Variants in LRRC4C observed in about 807,000 individuals in gnomAD.
LRRC4C encodes leucine rich repeat containing 4C, also known as leucine-rich repeat-containing protein 4C.
A neutral mutation model predicts 33.6 loss-of-function variants in LRRC4C; 5 were observed. The observed-to-expected ratio is 0.15, with a 90% CI of 0.08 to 0.31. LRRC4C has a LOEUF of 0.31. Ranked by LOEUF, LRRC4C falls within the 10% of genes least tolerant of loss-of-function variation. The probability of loss-of-function intolerance (pLI) is 1.00; values close to 1 mark genes in which losing one functional copy is unlikely to be tolerated. For missense variants in LRRC4C, 560 were observed against 796.7 expected, an observed-to-expected ratio of 0.70 and a Z score of 3.58; for synonymous variants, 329 against 302.0, an observed-to-expected ratio of 1.09 and a Z score of -0.93.
At chr11:40,586,902 G>A (rs1444551104) in intron 3 of LRRC4C, among the ~76,000 whole-genome samples, 1 of 152,188 alleles carries the variant, frequency 6.6e-6, no homozygotes, top group African/African-American at 2.4e-5. Flanking sequence ...TTGAAGTCAG[G>A]TAGAGTGATG....
chr11:41,412,762 T>A (rs754368898), intron 1 of LRRC4C, among the ~76,000 whole-genome samples: 24 of 152,226 alleles, frequency 1.6e-4, no homozygotes, highest in Admixed American at 2.6e-4. Flanking sequence ...TCCATGATGA[T>A]ACAAAATACA....
At chr11:41,042,103 T>C (rs2137990347) in intron 1 of LRRC4C, among the ~76,000 whole-genome samples, 1 of 152,326 alleles carries the variant, frequency 6.6e-6, no homozygotes, top group South Asian at 2.1e-4. Flanking sequence ...GAGTGTACTA[T>C]TTAATCTTTA....
chr11:41,185,620 G>C (rs1945659645), intron 1 of LRRC4C, among the ~76,000 whole-genome samples: 2 of 152,140 alleles, frequency 1.3e-5, no homozygotes. Context: ...GGGAAGGGCA[G>C]GTAGGAAGGC....
At chr11:40,596,000 A>G (rs575489254) in intron 3 of LRRC4C, among the ~76,000 whole-genome samples, 1 of 152,236 alleles carries the variant, frequency 6.6e-6, no homozygotes, top group African/African-American at 2.4e-5. Flanking sequence ...CAGATATTAG[A>G]TGTCTGTCCT....
chr11:40,707,532 A>G (rs1311671025), intron 2 of LRRC4C, among the ~76,000 whole-genome samples: 1 of 152,184 alleles, frequency 6.6e-6, no homozygotes, highest in Non-Finnish European at 1.5e-5. Flanking sequence ...GCTTATGCTG[A>G]ACCAGCCTTG....
chr11:41,057,103 A>G (rs1253464168), intron 1 of LRRC4C, among the ~76,000 whole-genome samples: 1 of 151,858 alleles, frequency 6.6e-6, no homozygotes, highest in Non-Finnish European at 1.5e-5. Context: ...GCATCTCTGT[A>G]CTCTCAGGGG....
intron 3 of LRRC4C, among the ~76,000 whole-genome samples, chr11:40,429,236 G>C (rs985997171): frequency 6.6e-6 from 1 of 152,106 alleles, no homozygotes; most frequent in Admixed American, 6.6e-5. Context: ...ACCATGCCCA[G>C]CTAATTTTTA....
intron 1 of LRRC4C, among the ~76,000 whole-genome samples, chr11:41,294,197 T>G (rs529064276): frequency 6.6e-6 from 1 of 152,308 alleles, no homozygotes; most frequent in East Asian, 1.9e-4. Context: ...CCAAAGAGAA[T>G]GTACTATTCA....
At chr11:41,039,683 G>A (rs932271442) in intron 1 of LRRC4C, among the ~76,000 whole-genome samples, 3 of 152,124 alleles carry the variant, frequency 2.0e-5, no homozygotes, top group African/African-American at 4.8e-5. Flanking sequence ...ATCTGAGAGC[G>A]CTGGACTGAC....
At chr11:40,177,244 T>C (rs751958739) in intron 5 of LRRC4C, among the ~76,000 whole-genome samples, 4 of 151,784 alleles carry the variant, frequency 2.6e-5, no homozygotes, top group South Asian at 2.1e-4. Flanking sequence ...TGAGCCACCG[T>C]GCCCGGGCTG....
chr11:40,132,151 G>A (rs370440742), intron 6 of LRRC4C, among the ~76,000 whole-genome samples: 2 of 152,302 alleles, frequency 1.3e-5, no homozygotes, highest in East Asian at 3.9e-4. Context: ...TGCTTGAAAG[G>A]TCTGTTAGAG....
chr11:40,684,629 A>G (rs1273068564), intron 2 of LRRC4C, among the ~76,000 whole-genome samples: 10 of 152,040 alleles, frequency 6.6e-5, no homozygotes, highest in African/African-American at 2.2e-4. Flanking sequence ...GAATGCAAAA[A>G]AAGTAAAAAT....
At chr11:40,484,673 A>G (rs374423439) in intron 3 of LRRC4C, among the ~76,000 whole-genome samples, 1 of 152,104 alleles carries the variant, frequency 6.6e-6, no homozygotes, top group Non-Finnish European at 1.5e-5. Flanking sequence ...ATCAAAACAT[A>G]CAAAACTTAG....
chr11:40,748,564 T>G (rs2136964506), intron 2 of LRRC4C, among the ~76,000 whole-genome samples: 1 of 151,284 alleles, frequency 6.6e-6, no homozygotes, highest in East Asian at 1.9e-4. Context: ...AATGATAAGA[T>G]AAAAAGAAAG....
At position 40,226,218 on chromosome 11, in the gene LRRC4C, A is replaced by G. The variant is rs138224253; in HGVS notation, c.-96+15301T>C. 3.3e-4 allele frequency among the ~76,000 whole-genome samples: 51 copies of G among 152,254 alleles called. No homozygotes were observed. In the East Asian group the frequency reaches 8.9e-3, roughly 27 times the overall value. On this transcript the variant is annotated intron_variant, in intron 5 of 6. Transcript: ENST00000528697. ...TTGTTCAAAGTCTTAAGCTCATTCC[A>G]CTATGACTCAGATGAGTCTCCTAGT... is the stretch of plus-strand genomic sequence containing the variant.
chr11:41,073,821 G>C (rs1241808531), intron 1 of LRRC4C, among the ~76,000 whole-genome samples: 1 of 151,946 alleles, frequency 6.6e-6, no homozygotes, highest in Non-Finnish European at 1.5e-5. Flanking sequence ...TTTTCCCCTT[G>C]TTTCCTCAGT....
intron 3 of LRRC4C, among the ~76,000 whole-genome samples, chr11:40,545,959 G>A (rs1040155862): frequency 5.9e-5 from 9 of 151,978 alleles, no homozygotes; most frequent in African/African-American, 2.2e-4. Context: ...TACACCTAGC[G>A]TGTTCTATAC....
chr11:41,432,073 T>C (rs1411254053), intron 1 of LRRC4C, among the ~76,000 whole-genome samples: 2 of 152,152 alleles, frequency 1.3e-5, no homozygotes, highest in African/African-American at 4.8e-5. Flanking sequence ...TATGCATAAT[T>C]GGTAGTAATT....
intron 3 of LRRC4C, among the ~76,000 whole-genome samples, chr11:40,347,072 C>G (rs540993624): frequency 6.6e-6 from 1 of 152,236 alleles, no homozygotes; most frequent in Non-Finnish European, 1.5e-5. Flanking sequence ...GACTTCTCCT[C>G]TCTTGCTATG....
Sources: gnomAD v4.1 joint callset for allele counts (sites outside exome capture counted in the v4.1 genomes callset) on GRCh38, gnomAD v4.1.1 for gene constraint, MANE v1.5 for transcripts, NCBI Gene and HGNC (gene_info 2026-07-23, HGNC 2026-07-21) for gene names.